CCNY: variants seen among roughly 807,000 people sequenced by gnomAD.
CCNY encodes the protein cyclin Y.
In CCNY, 19 loss-of-function variants were observed where a neutral mutation model predicts 42.8. The ratio of observed to expected loss-of-function variants is 0.44; its 90% CI spans 0.31 to 0.65. The LOEUF (loss-of-function observed/expected upper bound fraction) is 0.65, where lower values mean the gene tolerates loss of function less well. Among genes scored for constraint, CCNY ranks in the 30% least tolerant of loss-of-function variants. The probability of loss-of-function intolerance (pLI) is 0.07; values close to 1 mark genes in which losing one functional copy is unlikely to be tolerated. For missense variants in CCNY, 370 were observed against 437.3 expected (o/e 0.85, Z 1.37); for synonymous variants, 165 against 162.7 (o/e 1.01, Z -0.11).
At chr10:35,358,163 C>G (rs1485750564) in intron 1 of CCNY, among the ~76,000 whole-genome samples, 1 of 151,946 alleles carries the variant, frequency 6.6e-6, no homozygotes, top group Non-Finnish European at 1.5e-5. Context: ...CAGAACACCA[C>G]CATAACATCT....
At chr10:35,443,355 A>T (rs568915990) in intron 1 of CCNY, among the ~76,000 whole-genome samples, 1 of 152,346 alleles carries the variant, frequency 6.6e-6, no homozygotes, top group South Asian at 2.1e-4. Flanking sequence ...TAACACAAAC[A>T]CATTGGATAG....
chr10:35,360,482 G>A (rs1017131076), intron 1 of CCNY, among the ~76,000 whole-genome samples: 45 of 151,712 alleles, frequency 3.0e-4, no homozygotes, highest in African/African-American at 8.2e-4. Context: ...GGGTCTTGCC[G>A]TGCTGCTCAG....
In CCNY at chr10:35,505,495, A is replaced by G. The variant is rs144668251; in HGVS notation, c.264+3960A>G. ...GGAAGTAAAGCAACTAGGGAGAGTT[A>G]CTTATCAGCTAAGCAAGAGTCACAT... On this transcript the variant is annotated intron_variant, in intron 3 of 9. Coordinates refer to ENST00000374704, the MANE Select transcript of CCNY (RefSeq NM_145012.6). Among the ~76,000 whole-genome samples, 510 of 152,274 alleles carry G rather than the reference A, an allele frequency of 3.3e-3. 3 individuals carry two copies. Among genetic ancestry groups the G allele is most frequent in the African/African-American group, 0.012 (480 of 41,542 alleles).
At chr10:35,549,820 C>T (rs1434987519) in intron 7 of CCNY, among the ~76,000 whole-genome samples, 5 of 36,562 alleles carry the variant, frequency 1.4e-4, no homozygotes, top group East Asian at 2.1e-3. Flanking sequence ...CTGCTCATGG[C>T]CCATGACCCT....
At chr10:35,279,110 G>GTTTTTT (rs869276523) in intron 3 of CCNY, among the ~76,000 whole-genome samples, 11 of 102,806 alleles carry the variant, frequency 1.1e-4, no homozygotes, top group East Asian at 2.9e-4. Context: ...AGCTTTCAAT[G>GTTTTTT]TTTTTTTTTT....
chr10:35,557,169 T>C (rs1401727857), intron 8 of CCNY, among the ~76,000 whole-genome samples: 1 of 152,178 alleles, frequency 6.6e-6, no homozygotes, highest in Non-Finnish European at 1.5e-5. Context: ...ATATTTTATA[T>C]AGTAGGGTTT....
chr10:35,568,236 G>A (rs929075166), intron 9 of CCNY, among the ~76,000 whole-genome samples: 17 of 152,322 alleles, frequency 1.1e-4, no homozygotes, highest in South Asian at 2.1e-4. Flanking sequence ...TCCGAGTGCC[G>A]AGAAGGGAGA....
intron 3 of CCNY, among the ~76,000 whole-genome samples, chr10:35,259,599 T>C (rs1056518884): frequency 2.8e-5 from 4 of 145,034 alleles, no homozygotes; most frequent in African/African-American, 1.0e-4. Flanking sequence ...ACCTCCTGGG[T>C]TCAAGTGATT....
In CCNY at chr10:35,439,800, A is replaced by G. The variant is rs180766963; in HGVS notation, c.155-43604A>G. On this transcript the variant is annotated intron_variant, in intron 1 of 9. Coordinates refer to ENST00000374704, the MANE Select transcript of CCNY (RefSeq NM_145012.6). ...ACTTATGGCATTGCTCTGGCAGAGG[A>G]TGGTGGGCCACTCCCTTGTTACTGC... is the stretch of plus-strand genomic sequence containing the variant. Among the ~76,000 whole-genome samples, 3 of 151,608 alleles carry G rather than the reference A, an allele frequency of 2.0e-5. No homozygotes were observed. In the East Asian group the frequency reaches 5.8e-4, roughly 29 times the overall value.
At chr10:35,497,935 G>A (rs1043644037) in intron 2 of CCNY, among the ~76,000 whole-genome samples, 2 of 152,026 alleles carry the variant, frequency 1.3e-5, no homozygotes, top group Non-Finnish European at 2.9e-5. Context: ...CCTCTGCCGT[G>A]TTTCTCTGCA....
At chr10:35,389,439 CTTTTTTT>C (rs1365155125) in intron 1 of CCNY, among the ~76,000 whole-genome samples, 1 of 120,568 alleles carries the variant, frequency 8.3e-6, no homozygotes, top group Non-Finnish European at 1.8e-5. Flanking sequence ...GAAAACTGTG[CTTTTTTT>C]TTTTTTTTTT....
chr10:35,332,208 C>T (rs994599140), upstream of CCNY: 5 of 152,132 alleles, frequency 3.3e-5, no homozygotes, highest in South Asian at 4.1e-4. Flanking sequence ...TATAAATGCT[C>T]GAGTAACCGT....
intron 1 of CCNY, among the ~76,000 whole-genome samples, chr10:35,474,307 G>C (rs1839456393): frequency 6.6e-6 from 1 of 152,246 alleles, no homozygotes; most frequent in African/African-American, 2.4e-5. Context: ...AGCTCAAGGA[G>C]GCCTGCGTGC....
intron 3 of CCNY, among the ~76,000 whole-genome samples, chr10:35,303,691 C>G (rs1035526197): frequency 1.3e-5 from 2 of 148,620 alleles, no homozygotes; most frequent in African/African-American, 5.0e-5. Context: ...GCAGGAGAAT[C>G]CCTTGGACCT....
chr10:35,339,361 T>A (rs1229874688), intron 1 of CCNY, among the ~76,000 whole-genome samples: 1 of 152,142 alleles, frequency 6.6e-6, no homozygotes, highest in Non-Finnish European at 1.5e-5. Flanking sequence ...TTCAGGGACA[T>A]TTTTGGTAGA....
At chr10:35,401,911 G>T (rs1307178904) in intron 1 of CCNY, among the ~76,000 whole-genome samples, 1 of 152,152 alleles carries the variant, frequency 6.6e-6, no homozygotes, top group Non-Finnish European at 1.5e-5. Flanking sequence ...CATCAGTTAA[G>T]GCTATTTTCA....
chr10:35,396,762 G>A (rs1342369016), intron 1 of CCNY, among the ~76,000 whole-genome samples: 1 of 152,162 alleles, frequency 6.6e-6, no homozygotes, highest in East Asian at 1.9e-4. Context: ...TTGAGTTGCT[G>A]GGTGCTGTGT....
intron 4 of CCNY, among the ~76,000 whole-genome samples, chr10:35,518,107 G>A (rs1418298439): frequency 6.6e-6 from 1 of 152,198 alleles, no homozygotes; most frequent in Non-Finnish European, 1.5e-5. Flanking sequence ...AGGTGGCTCT[G>A]TCTTAGTTGC....
At chr10:35,519,093 T>C (rs182734422) in intron 4 of CCNY, among the ~76,000 whole-genome samples, 117 of 151,796 alleles carry the variant, frequency 7.7e-4, no homozygotes, top group African/African-American at 2.5e-3. Flanking sequence ...TGATTGAATC[T>C]GGCTGAGGTA....
Sources: allele counts gnomAD v4.1 joint callset (sites outside exome capture counted in the v4.1 genomes callset), GRCh38; gene constraint gnomAD v4.1.1; transcripts MANE v1.5; gene names NCBI Gene and HGNC (gene_info 2026-07-23, HGNC 2026-07-21).